Variants in PRELID2 observed in about 807,000 individuals in gnomAD.
PRELID2 encodes the protein PRELI domain-containing protein 2.
PRELID2 carries 25 observed loss-of-function variants against 28.4 expected under a neutral mutation model. That is an observed-to-expected ratio of 0.88 (90% CI 0.64 to 1.23). PRELID2 has a LOEUF of 1.23. PRELID2 is among the 50% of genes most tolerant of loss of function. The probability of loss-of-function intolerance (pLI) is 0.00; values close to 1 mark genes in which losing one functional copy is unlikely to be tolerated. For missense variants in PRELID2, 201 were observed against 214.4 expected, an observed-to-expected ratio of 0.94 and a Z score of 0.39; for synonymous variants, 76 against 71.6, an observed-to-expected ratio of 1.06 and a Z score of -0.31.
At chr5:145,344,165 G>A in the PRELID2 span, among the ~76,000 whole-genome samples, 4 of 151,966 alleles carry the variant, frequency 2.6e-5, no homozygotes, top group Admixed American at 6.6e-5. Context: ...TACAAGGCCA[G>A]CATAACCATT....
chr5:145,608,693 T>G (rs533705615), intron 1 of PRELID2, among the ~76,000 whole-genome samples: 1 of 152,300 alleles, frequency 6.6e-6, no homozygotes, highest in African/African-American at 2.4e-5. Context: ...ATTTCAACCT[T>G]GGAGAATCTG....
chr5:145,590,314 C>G (rs1753210203), intron 1 of PRELID2, among the ~76,000 whole-genome samples: 1 of 152,054 alleles, frequency 6.6e-6, no homozygotes, highest in South Asian at 2.1e-4. Flanking sequence ...GAGAAATATC[C>G]CTTAGATACT....
chr5:145,756,991 G>C lies in PRELID2; in HGVS notation c.*3545C>G, dbSNP rs1757276543. Among the ~76,000 whole-genome samples, 2 of 152,038 alleles carry C rather than the reference G, an allele frequency of 1.3e-5. No individual in the cohort carries two copies. Among genetic ancestry groups the C allele is most frequent in the African/African-American group, 2.4e-5 (1 of 41,384 alleles). On this transcript the variant is annotated 3_prime_UTR_variant, in exon 7 of 7. Coordinates refer to ENST00000683046, the MANE Select transcript of PRELID2 (RefSeq NM_205846.3). ...GCCTGAAAGAATTAAAAACATATAT[G>C]ACGACTCTGAAAAGATTTAATTATC...
At chr5:145,788,776 C>G (rs1408290420) in intron 5 of PRELID2, among the ~76,000 whole-genome samples, 1 of 152,012 alleles carries the variant, frequency 6.6e-6, no homozygotes, top group Non-Finnish European at 1.5e-5. Context: ...CCTAAAGACT[C>G]CACCAAAAAA....
intron 1 of PRELID2, among the ~76,000 whole-genome samples, chr5:145,626,314 G>A (rs1187903801): frequency 6.6e-6 from 1 of 152,014 alleles, no homozygotes; most frequent in South Asian, 2.1e-4. Flanking sequence ...AATCTACAAG[G>A]AACTCAAACA....
chr5:145,286,735 T>G, the PRELID2 span, among the ~76,000 whole-genome samples: 1 of 149,186 alleles, frequency 6.7e-6, no homozygotes, highest in African/African-American at 2.5e-5. Flanking sequence ...TTTTTTTTTT[T>G]TTTTGAGACG....
chr5:145,232,113 T>C, the PRELID2 span, among the ~76,000 whole-genome samples: 1 of 152,152 alleles, frequency 6.6e-6, no homozygotes, highest in Non-Finnish European at 1.5e-5. Context: ...GGAACCATAA[T>C]ATATCCTTGG....
At chr5:145,502,830 T>G (rs892511241) in intron 1 of PRELID2, among the ~76,000 whole-genome samples, 1 of 142,792 alleles carries the variant, frequency 7.0e-6, no homozygotes, top group African/African-American at 2.7e-5. Context: ...TTCCTAGCTC[T>G]TGATCCCCAG....
intron 1 of PRELID2, among the ~76,000 whole-genome samples, chr5:145,744,324 T>C (rs1231337129): frequency 2.0e-5 from 3 of 152,210 alleles, no homozygotes; most frequent in African/African-American, 7.2e-5. Flanking sequence ...TTTCCCCCCA[T>C]TGAAGCACAT....
chr5:145,590,686 T>C (rs561372369), intron 1 of PRELID2, among the ~76,000 whole-genome samples: 77 of 152,264 alleles, frequency 5.1e-4, no homozygotes, highest in Non-Finnish European at 9.6e-4. Context: ...ATTCTCCTCA[T>C]CCTATTTCTT....
intron 5 of PRELID2, among the ~76,000 whole-genome samples, chr5:145,775,680 G>A (rs1758364960): frequency 6.6e-6 from 1 of 152,168 alleles, no homozygotes; most frequent in Non-Finnish European, 1.5e-5. Flanking sequence ...CCCACTAAAA[G>A]CCTTTCAGTA....
chr5:145,580,384 T>G (rs1261942508), intron 1 of PRELID2, among the ~76,000 whole-genome samples: 1 of 152,102 alleles, frequency 6.6e-6, no homozygotes, highest in African/African-American at 2.4e-5. Context: ...GGATGTCAAT[T>G]TGAGATTCTG....
At chr5:145,459,992 G>T in the PRELID2 span, among the ~76,000 whole-genome samples, 1 of 152,038 alleles carries the variant, frequency 6.6e-6, no homozygotes, top group Non-Finnish European at 1.5e-5. Flanking sequence ...TGTATTTTTA[G>T]TAGAGACTGG....
chr5:145,615,450 C>G lies in PRELID2; in HGVS notation n.71-142135G>C, dbSNP rs1753683443. ...CACGCCATTCTCCTGCCTCAGCCTC[C>G]CGAGTAGCTGGGACTACAGGTGCCC... On this transcript the variant is annotated intron_variant and non_coding_transcript_variant, in intron 1 of 2. Coordinates refer to the PRELID2 transcript ENST00000510259. Among the ~76,000 whole-genome samples, 3 of 142,298 alleles carry G rather than the reference C, an allele frequency of 2.1e-5. 1 individual carries two copies. The Admixed American group carries it at 2.2e-4, about 10-fold the overall frequency. 93.4% of individuals were successfully genotyped at this position (142,298 alleles called of 152,430 possible).
chr5:145,288,246 C>T, the PRELID2 span, among the ~76,000 whole-genome samples: 1,602 of 152,084 alleles, frequency 0.011, 22 homozygotes, highest in African/African-American at 0.035. Context: ...GTGGATTCAC[C>T]CCCAATAGAG....
chr5:145,358,990 C>T, the PRELID2 span, among the ~76,000 whole-genome samples: 1 of 152,160 alleles, frequency 6.6e-6, no homozygotes, highest in Admixed American at 6.5e-5. Context: ...ACTCTGGGCA[C>T]CTGCCCATCA....
intron 1 of PRELID2, among the ~76,000 whole-genome samples, chr5:145,693,504 C>A (rs73302067): frequency 0.028 from 4,198 of 151,142 alleles, 177 homozygotes; most frequent in African/African-American, 0.092. Context: ...TGCAGTGGCT[C>A]ATACCTATAA....
rs1561648779 is a variant in PRELID2, at chr5:145,820,430, TG to T, written c.134-413del. ...AAAGAATCACAACCGTTCGCTGCTC[TG>T]GACTATCCGTGTCAGTACTCCAATG... On this transcript the variant is annotated intron_variant, in intron 2 of 6. Coordinates refer to ENST00000683046, the MANE Select transcript of PRELID2 (RefSeq NM_205846.3). Among the ~76,000 whole-genome samples, 1,062 of 152,266 alleles carry T rather than the reference TG, an allele frequency of 7.0e-3. 14 individuals carry two copies. The highest frequency in any genetic ancestry group is 0.024 in the African/African-American group (1,008 of 41,534).
intron 1 of PRELID2, among the ~76,000 whole-genome samples, chr5:145,519,614 C>A (rs1752546676): frequency 6.6e-6 from 1 of 152,178 alleles, no homozygotes; most frequent in South Asian, 2.1e-4. Flanking sequence ...TAGAGATTCA[C>A]TGTCATGATA....
Sources: allele counts gnomAD v4.1 joint callset (sites outside exome capture counted in the v4.1 genomes callset), GRCh38; gene constraint gnomAD v4.1.1; transcripts MANE v1.5; gene names NCBI Gene and HGNC (gene_info 2026-07-23, HGNC 2026-07-21).